The following GRID2 variants were observed in gnomAD, a reference collection of about 807,000 sequenced individuals.
GRID2 encodes the protein glutamate ionotropic receptor delta type subunit 2.
Under a neutral mutation model 114.8 loss-of-function variants are expected in GRID2, and 33 were observed. The observed-to-expected ratio is 0.29, with a 90% CI of 0.22 to 0.38. GRID2 has a LOEUF of 0.38. Ranked by LOEUF, GRID2 falls within the 10% of genes least tolerant of loss-of-function variation. GRID2 has a pLI of 1.00. For synonymous variants in GRID2, 505 were observed against 449.9 expected, an observed-to-expected ratio of 1.12 and a Z score of -1.55; for missense variants, 1,184 against 1,257.7, an observed-to-expected ratio of 0.94 and a Z score of 0.89.
rs1728562848 is a variant in GRID2 at position 93,505,698 on chromosome 4, T to C, written c.1998-9518T>C. Among the ~76,000 whole-genome samples, 6 of 149,798 alleles carry C rather than the reference T, an allele frequency of 4.0e-5. No individual in the cohort carries two copies. In the South Asian group the frequency reaches 1.3e-3, roughly 31 times the overall value. On this transcript the variant is annotated intron_variant, in intron 12 of 15. Coordinates refer to ENST00000282020, the MANE Select transcript of GRID2 (RefSeq NM_001510.4). ...ATGTATATTTATTTTATAATGTATT[T>C]ATTATTAAATATTAATATATACCAA...
intron 1 of GRID2, among the ~76,000 whole-genome samples, chr4:92,401,655 A>G (rs1227737435): frequency 6.6e-6 from 1 of 152,218 alleles, no homozygotes; most frequent in Admixed American, 6.5e-5. Context: ...ATGTCAAAAC[A>G]TAATTAACAT....
At chr4:93,106,382 T>A (rs2149346142) in intron 3 of GRID2, among the ~76,000 whole-genome samples, 1 of 152,318 alleles carries the variant, frequency 6.6e-6, no homozygotes, top group African/African-American at 2.4e-5. Context: ...AGTCCCCCTC[T>A]GTTGCCCAGG....
chr4:93,490,853 A>T, intron 12 of GRID2, 76 bp downstream of exon 12: 2 of 969,966 alleles, frequency 2.1e-6, no homozygotes, highest in South Asian at 3.0e-5. Context: ...GAGAATAAGT[A>T]TGTGGTGTCT....
chr4:93,235,512 G>A (rs1263454441), intron 7 of GRID2, among the ~76,000 whole-genome samples: 6 of 152,058 alleles, frequency 3.9e-5, no homozygotes, highest in African/African-American at 9.7e-5. Flanking sequence ...GCTTTAAAGC[G>A]CTGGAATTTT....
At chr4:93,678,118 T>G (rs1429479475) in intron 14 of GRID2, among the ~76,000 whole-genome samples, 2 of 152,020 alleles carry the variant, frequency 1.3e-5, no homozygotes, top group Admixed American at 6.6e-5. Context: ...GCTCGAGAAC[T>G]GCATGAAGAA....
At chr4:93,541,377 T>C (rs1002255403) in intron 13 of GRID2, among the ~76,000 whole-genome samples, 1 of 152,120 alleles carries the variant, frequency 6.6e-6, no homozygotes, top group African/African-American at 2.4e-5. Context: ...TCAACACTTT[T>C]AGGGTACAAG....
chr4:92,664,436 A>T (rs929136171), intron 2 of GRID2, among the ~76,000 whole-genome samples: 1 of 151,060 alleles, frequency 6.6e-6, no homozygotes, highest in African/African-American at 2.4e-5. Context: ...TGGTTGGAGA[A>T]GATTTTCTTT....
chr4:93,532,218 T>C (rs1242478000), intron 13 of GRID2, among the ~76,000 whole-genome samples: 1 of 152,188 alleles, frequency 6.6e-6, no homozygotes, highest in Non-Finnish European at 1.5e-5. Context: ...TGAATACATG[T>C]ATTTTAATCT....
chr4:93,275,873 A>C (rs888803757), intron 8 of GRID2, among the ~76,000 whole-genome samples: 1 of 151,908 alleles, frequency 6.6e-6, no homozygotes, highest in African/African-American at 2.4e-5. Context: ...TAAATCCTTT[A>C]TCAGATCTAT....
chr4:93,739,728 A>T (rs1235713798), intron 14 of GRID2, among the ~76,000 whole-genome samples: 1 of 152,148 alleles, frequency 6.6e-6, no homozygotes, highest in Non-Finnish European at 1.5e-5. Context: ...TCCTCCAGAG[A>T]AATTTGCCTA....
intron 8 of GRID2, among the ~76,000 whole-genome samples, chr4:93,339,195 A>G (rs913197069): frequency 1.3e-5 from 2 of 152,174 alleles, no homozygotes; most frequent in African/African-American, 4.8e-5. Context: ...TATGGGTTGA[A>G]TTGTGTCTCC....
chr4:93,018,958 C>T (rs1723024135), intron 2 of GRID2, among the ~76,000 whole-genome samples: 1 of 152,068 alleles, frequency 6.6e-6, no homozygotes, highest in African/African-American at 2.4e-5. Flanking sequence ...CCTTAAATAC[C>T]AGTCCTTATC....
chr4:92,715,930 C>T (rs1194290616), intron 2 of GRID2, among the ~76,000 whole-genome samples: 1 of 152,126 alleles, frequency 6.6e-6, no homozygotes. Flanking sequence ...GAAAGAAATG[C>T]ATTTATGAAG....
intron 13 of GRID2, among the ~76,000 whole-genome samples, chr4:93,608,359 G>T (rs1578385025): frequency 9.3e-6 from 1 of 107,956 alleles, no homozygotes. Context: ...TGTGCACATT[G>T]TGCAGGTTAG....
intron 2 of GRID2, among the ~76,000 whole-genome samples, chr4:92,621,885 A>G (rs1052211615): frequency 6.6e-6 from 1 of 151,908 alleles, no homozygotes; most frequent in Non-Finnish European, 1.5e-5. Flanking sequence ...AACACACAGA[A>G]ATTTTCTGAA....
chr4:93,622,418 T>G (rs1742293931), intron 13 of GRID2, among the ~76,000 whole-genome samples: 1 of 152,190 alleles, frequency 6.6e-6, no homozygotes, highest in Admixed American at 6.5e-5. Context: ...CTGTCAGGAT[T>G]GTTAAAATGC....
At chr4:93,071,810 T>C (rs914085837) in intron 2 of GRID2, among the ~76,000 whole-genome samples, 2 of 152,154 alleles carry the variant, frequency 1.3e-5, no homozygotes, top group African/African-American at 4.8e-5. Context: ...GATTTTTCTT[T>C]ATGTAGTGTG....
chr4:93,808,156 T>G (rs561664774), exon 2 of GRID2: 1 of 152,328 alleles, frequency 6.6e-6, no homozygotes, highest in East Asian at 1.9e-4. Context: ...AGGTGTTCAC[T>G]TACTGAGCAC....
At chr4:92,958,421 TAC>T (rs1377123214) in intron 2 of GRID2, among the ~76,000 whole-genome samples, 1 of 152,066 alleles carries the variant, frequency 6.6e-6, no homozygotes, top group Non-Finnish European at 1.5e-5. Context: ...CATCTATTGA[TAC>T]AGTTTTGTGA....
Sources: gnomAD v4.1 joint callset for allele counts (sites outside exome capture counted in the v4.1 genomes callset) on GRCh38, gnomAD v4.1.1 for gene constraint, MANE v1.5 for transcripts, NCBI Gene and HGNC (gene_info 2026-07-23, HGNC 2026-07-21) for gene names.